The following MAP2 variants were observed in gnomAD, a reference collection of about 807,000 sequenced individuals.
MAP2 encodes microtubule associated protein 2, also known as microtubule-associated protein 2.
In MAP2, 14 loss-of-function variants were observed where a neutral mutation model predicts 137.6. The observed-to-expected ratio is 0.10, with a 90% CI of 0.07 to 0.16. The LOEUF (loss-of-function observed/expected upper bound fraction) is 0.16, where lower values mean the gene tolerates loss of function less well. MAP2 is among the 10% of genes least tolerant of loss of function. MAP2 has a pLI of 1.00. For missense variants in MAP2, 2,088 were observed against 2,191.5 expected (o/e 0.95, Z 0.94); for synonymous variants, 786 against 782.3 (o/e 1.00, Z -0.08).
chr2:209,591,038 TTTTG>T (rs553027108), intron 3 of MAP2, among the ~76,000 whole-genome samples: 92 of 152,334 alleles, frequency 6.0e-4, no homozygotes, highest in African/African-American at 1.8e-3. Context: ...TTTCTTTGTT[TTTTG>T]TTTGTTTGTT....
In MAP2 at chr2:209,694,168, G is replaced by C; in HGVS notation, c.1998G>C (p.Val666=). The change falls in exon 8 of 16, where the codon GTG becomes GTC. Residue 666 remains valine (V), a synonymous_variant. Coordinates refer to ENST00000682079, the MANE Select transcript of MAP2 (RefSeq NM_001375505.1). ...QERMFTIDPK[V]YGEKRDLHSK... Reference sequence around the variant, plus strand: ...GAATGTTCACTATTGATCCAAAAGTGTATGGAGAGAAAAGGGACCTCCACA... The same window carrying C: ...GAATGTTCACTATTGATCCAAAAGTCTATGGAGAGAAAAGGGACCTCCACA... The C allele has an allele frequency of 1.2e-6, 2 of 1,614,144 alleles. No individual in the cohort carries two copies. Among genetic ancestry groups the C allele is most frequent in the Non-Finnish European group, 1.7e-6 (2 of 1,180,006 alleles).
chr2:209,455,027 A>G (rs1701206848), intron 1 of MAP2, among the ~76,000 whole-genome samples: 1 of 152,166 alleles, frequency 6.6e-6, no homozygotes, highest in South Asian at 2.1e-4. Context: ...AAAGGGGGAA[A>G]GCAAGCTCTC....
Position 209,730,226 on chromosome 2 carries a change from T to A in MAP2, c.5313T>A (p.Arg1771=). Residue 1771 remains arginine (R), a synonymous_variant, in exon 16 of 16, where the codon CGT becomes CGA. Coordinates refer to ENST00000682079, the MANE Select transcript of MAP2 (RefSeq NM_001375505.1). ...KLNFREHAKA[R]VDHGAEIITQ... ...ACTTCAGAGAGCATGCTAAAGCCCG[T>A]GTGGACCATGGGGCTGAGATCATTA... 1.2e-6 allele frequency: 2 copies of A among 1,614,068 alleles called. No homozygotes were observed. Among genetic ancestry groups the A allele is most frequent in the Admixed American group, 3.3e-5 (2 of 59,998 alleles).
chr2:209,643,291 T>G (rs2094170162), intron 4 of MAP2, among the ~76,000 whole-genome samples: 1 of 152,196 alleles, frequency 6.6e-6, no homozygotes, highest in South Asian at 2.1e-4. Context: ...CTATCATCAG[T>G]AAGTATTCCT....
At chr2:209,574,018 T>A (rs1315501418) in intron 2 of MAP2, among the ~76,000 whole-genome samples, 1 of 152,192 alleles carries the variant, frequency 6.6e-6, no homozygotes, top group Non-Finnish European at 1.5e-5. Context: ...AAAGTTTTAT[T>A]ATTAATATTT....
At chr2:209,588,887 T>A (rs984777525) in intron 3 of MAP2, among the ~76,000 whole-genome samples, 4 of 152,044 alleles carry the variant, frequency 2.6e-5, no homozygotes, top group African/African-American at 9.7e-5. Context: ...AAATATGAGA[T>A]CTAACAATCG....
intron 1 of MAP2, among the ~76,000 whole-genome samples, chr2:209,480,537 AGTTTGTTTGTTT>A (rs71043928): frequency 2.0e-5 from 3 of 150,518 alleles, no homozygotes; most frequent in East Asian, 2.0e-4. Flanking sequence ...GATGATCTAA[AGTTTGTTTGTTT>A]GTTTGTTTGT....
chr2:209,488,975 C>G (rs1308463703), intron 1 of MAP2, among the ~76,000 whole-genome samples: 3 of 152,182 alleles, frequency 2.0e-5, no homozygotes, highest in Non-Finnish European at 2.9e-5. Context: ...GGTCCCTGAC[C>G]CCCGTGCCAC....
chr2:209,509,442 T>C (rs903588168), intron 2 of MAP2, among the ~76,000 whole-genome samples: 8 of 152,032 alleles, frequency 5.3e-5, no homozygotes, highest in Non-Finnish European at 1.2e-4. Context: ...CCTCTCTTAT[T>C]ACCAGGTCTT....
intron 3 of MAP2, among the ~76,000 whole-genome samples, chr2:209,589,075 T>C (rs891470317): frequency 6.6e-6 from 1 of 152,162 alleles, no homozygotes; most frequent in African/African-American, 2.4e-5. Context: ...CCCTATGTTA[T>C]GTTCACAAAC....
intron 2 of MAP2, among the ~76,000 whole-genome samples, chr2:209,522,763 G>A (rs959059830): frequency 6.6e-6 from 1 of 151,974 alleles, no homozygotes; most frequent in Admixed American, 6.6e-5. Context: ...TTCATTCAGG[G>A]AAAGTATCAG....
intron 1 of MAP2, among the ~76,000 whole-genome samples, chr2:209,461,875 CAT>C (rs1370816002): frequency 2.6e-5 from 4 of 152,170 alleles, no homozygotes; most frequent in Admixed American, 6.5e-5. Flanking sequence ...TACTCTTACA[CAT>C]GTTATTCCTC....
intron 1 of MAP2, among the ~76,000 whole-genome samples, chr2:209,446,015 G>T (rs535641622): frequency 4.1e-4 from 62 of 151,582 alleles, no homozygotes; most frequent in African/African-American, 1.4e-3. Context: ...CCAAACAATA[G>T]ATATTAAAAA....
At chr2:209,711,968 A>G (rs2065648381) in intron 13 of MAP2, among the ~76,000 whole-genome samples, 1 of 152,178 alleles carries the variant, frequency 6.6e-6, no homozygotes, top group African/African-American at 2.4e-5. Context: ...TAGAATCACA[A>G]GAAAATACAA....
chr2:209,631,160 A>G (rs1470255677), intron 4 of MAP2, among the ~76,000 whole-genome samples: 2 of 151,998 alleles, frequency 1.3e-5, no homozygotes, highest in Non-Finnish European at 2.9e-5. Flanking sequence ...AGCTTGCCAC[A>G]TTTTCCTGTA....
intron 9 of MAP2, 70 bp downstream of exon 9, chr2:209,696,818 C>T (rs568877775): frequency 5.4e-4 from 822 of 1,523,832 alleles, no homozygotes; most frequent in Non-Finnish European, 7.0e-4. Context: ...GCAGAACTGC[C>T]TAACAGTGGT....
rs146432517 is a variant in MAP2, at chr2:209,694,284, C to G, written c.2114C>G (p.Pro705Arg). ...CAAAGAAGCATGTCAATCAATTTGC[C>G]GATGTCTTGCCTAGATTCCATAGCC... ...IEQRSMSINLPMSCLDSIALG... is the reference protein window; with the variant it reads ...IEQRSMSINLRMSCLDSIALG... Residue 705 changes from proline (P) to arginine (R), a missense_variant, in exon 8 of 16, where the codon CCG (proline) becomes CGG (arginine). Pro to Arg is a moderately radical substitution (Grantham distance 103). Transcript: ENST00000682079. 6.2e-7 allele frequency: 1 copy of G among 1,614,054 alleles called. No individual in the cohort carries two copies. The highest frequency in any genetic ancestry group is 8.5e-7 in the Non-Finnish European group (1 of 1,179,994).
intron 7 of MAP2, among the ~76,000 whole-genome samples, chr2:209,691,982 T>C (rs1470913899): frequency 6.6e-6 from 1 of 152,232 alleles, no homozygotes; most frequent in Non-Finnish European, 1.5e-5. Context: ...TATTTACTTA[T>C]ATTTCTGAAA....
At chr2:209,520,719 A>C (rs924031827) in intron 2 of MAP2, among the ~76,000 whole-genome samples, 2 of 152,002 alleles carry the variant, frequency 1.3e-5, no homozygotes, top group African/African-American at 4.8e-5. Context: ...CCCTTTCATG[A>C]GGTCATTTGC....
Sources: gnomAD v4.1 joint callset for allele counts (sites outside exome capture counted in the v4.1 genomes callset) on GRCh38, gnomAD v4.1.1 for gene constraint, MANE v1.5 for transcripts, NCBI Gene and HGNC (gene_info 2026-07-23, HGNC 2026-07-21) for gene names.